DIAPH1: variants seen among roughly 807,000 people sequenced by gnomAD.
DIAPH1 encodes protein diaphanous homolog 1.
A neutral mutation model predicts 140.7 loss-of-function variants in DIAPH1; 46 were observed. The observed-to-expected ratio is 0.33, with a 90% CI of 0.26 to 0.42. The LOEUF is 0.42. DIAPH1 is among the 10% of genes least tolerant of loss of function. The pLI is 1.00. For synonymous variants in DIAPH1, 565 were observed against 551.6 expected, an observed-to-expected ratio of 1.02 and a Z score of -0.34; for missense variants, 1,310 against 1,558.7, an observed-to-expected ratio of 0.84 and a Z score of 2.69.
At chr5:141,532,731 A>AT (rs2099888422) in intron 19 of DIAPH1, among the ~76,000 whole-genome samples, 1 of 152,234 alleles carries the variant, frequency 6.6e-6, no homozygotes. Flanking sequence ...CATGAGAGAC[A>AT]TTTAATCACT....
chr5:141,584,078 C>A, intron 4 of DIAPH1, 46 bp downstream of exon 4: 1 of 1,270,218 alleles, frequency 7.9e-7, no homozygotes, highest in South Asian at 1.2e-5. Context: ...AGGTCCAAGA[C>A]AAGGGCACAG....
Position 141,577,372 on chromosome 5 carries a change from T to C in DIAPH1, c.1280+103A>G, listed in dbSNP as rs950562833. The C allele has an allele frequency of 2.8e-5, 25 of 885,256 alleles. No individual in the cohort carries two copies. The East Asian group carries it at 4.4e-4, about 16-fold the overall frequency. 54.8% of individuals were successfully genotyped at this position (885,256 alleles called of 1,614,324 possible). On this transcript the variant is annotated intron_variant, in intron 12 of 27. Coordinates refer to ENST00000389054, the MANE Select transcript of DIAPH1 (RefSeq NM_005219.5). The stretch of plus-strand genomic sequence containing the variant: ...ACTAATGAACCCTAATCTTGGGTCT[T>C]TGTCTTTACATTTTCCTTTTACAGA...
At chr5:141,618,542 C>A (rs1049486735) in intron 1 of DIAPH1, 1 of 381,266 alleles carries the variant, frequency 2.6e-6, no homozygotes. Context: ...GATATGCGGG[C>A]GGGAGGGCAG....
At chr5:141,535,668 G>A (rs1010864043) in intron 18 of DIAPH1, among the ~76,000 whole-genome samples, 1 of 152,144 alleles carries the variant, frequency 6.6e-6, no homozygotes, top group Non-Finnish European at 1.5e-5. Context: ...GTTGATGCTG[G>A]CTATCCAAGG....
At chr5:141,572,576 CG>C (rs1297080455) in intron 16 of DIAPH1, among the ~76,000 whole-genome samples, 1 of 152,010 alleles carries the variant, frequency 6.6e-6, no homozygotes, top group Non-Finnish European at 1.5e-5. Flanking sequence ...CCAAGGTGGG[CG>C]GATCACAAGG....
intron 3 of DIAPH1, 26 bp downstream of exon 3, chr5:141,587,016 C>A: frequency 6.2e-7 from 1 of 1,613,678 alleles, no homozygotes; most frequent in Non-Finnish European, 8.5e-7. Flanking sequence ...CAGGAAGAAG[C>A]AACATTTTGG....
At chr5:141,576,003 C>T (rs1016302516) in intron 14 of DIAPH1, among the ~76,000 whole-genome samples, 5 of 152,104 alleles carry the variant, frequency 3.3e-5, no homozygotes, top group Admixed American at 2.6e-4. Context: ...TTTTCCTGCC[C>T]AGTAGCCCAA....
chr5:141,538,904 A>C (rs1409274429), intron 18 of DIAPH1, among the ~76,000 whole-genome samples: 1 of 152,228 alleles, frequency 6.6e-6, no homozygotes, highest in Non-Finnish European at 1.5e-5. Flanking sequence ...TACCAAATTC[A>C]TAAAAAATAT....
intron 18 of DIAPH1, among the ~76,000 whole-genome samples, chr5:141,560,216 A>AT (rs900882212): frequency 9.2e-5 from 14 of 152,200 alleles, no homozygotes; most frequent in Middle Eastern, 3.4e-3. Flanking sequence ...TCTCCATCTC[A>AT]TTTTTTCCCC....
At chr5:141,541,513 G>C (rs138446142) in intron 18 of DIAPH1, among the ~76,000 whole-genome samples, 3,458 of 151,736 alleles carry the variant, frequency 0.023, 54 homozygotes, top group East Asian at 0.047. Flanking sequence ...CATGGTGAAA[G>C]CCTGTCTCTA....
intron 7 of DIAPH1, 114 bp downstream of exon 7, chr5:141,582,198 G>A: frequency 1.3e-6 from 1 of 757,080 alleles, no homozygotes; most frequent in Non-Finnish European, 2.4e-6. Context: ...GATACTAAAA[G>A]AGAAAGCTAG....
At chr5:141,561,720 T>C (rs553854425) in intron 18 of DIAPH1, 3 of 152,312 alleles carry the variant, frequency 2.0e-5, no homozygotes, top group South Asian at 2.1e-4. Context: ...TATGAAACAA[T>C]TGTAATAAGG....
chr5:141,560,815 G>A, intron 18 of DIAPH1: 1 of 456,228 alleles, frequency 2.2e-6, no homozygotes, highest in Non-Finnish European at 4.4e-6. Context: ...AAAGAGAACA[G>A]ATGGAATAAA....
chr5:141,590,707 G>A (rs546919131), intron 1 of DIAPH1, among the ~76,000 whole-genome samples: 29 of 151,680 alleles, frequency 1.9e-4, no homozygotes, highest in African/African-American at 7.0e-4. Flanking sequence ...AAGAATTAAT[G>A]GCAGCTGAAT....
At chr5:141,533,389 G>C (rs1225381839) in intron 19 of DIAPH1, among the ~76,000 whole-genome samples, 4 of 152,148 alleles carry the variant, frequency 2.6e-5, no homozygotes, top group African/African-American at 9.7e-5. Context: ...TTTCTCATTT[G>C]AAATTTTGCT....
intron 18 of DIAPH1, among the ~76,000 whole-genome samples, chr5:141,542,432 TG>T (rs1462570269): frequency 1.3e-5 from 2 of 148,548 alleles, no homozygotes; most frequent in African/African-American, 5.0e-5. Context: ...GACTCTGTCT[TG>T]GGAAAAAAAA....
At chr5:141,594,657 C>G (rs527628330) in intron 1 of DIAPH1, among the ~76,000 whole-genome samples, 1 of 151,432 alleles carries the variant, frequency 6.6e-6, no homozygotes, top group Admixed American at 6.6e-5. Context: ...GTATGAGAAT[C>G]GCTTGAACCT....
At chr5:141,613,392 T>A (rs2099902144) in intron 1 of DIAPH1, among the ~76,000 whole-genome samples, 1 of 152,214 alleles carries the variant, frequency 6.6e-6, no homozygotes, top group Non-Finnish European at 1.5e-5. Context: ...CTCTTTCTAC[T>A]ACTCCAGCCA....
chr5:141,587,839 C>T (rs2099897769), intron 2 of DIAPH1, among the ~76,000 whole-genome samples: 1 of 152,206 alleles, frequency 6.6e-6, no homozygotes, highest in Non-Finnish European at 1.5e-5. Flanking sequence ...CAAACAAATG[C>T]TAACAAGCCA....
Sources: allele counts gnomAD v4.1 joint callset (sites outside exome capture counted in the v4.1 genomes callset), GRCh38; gene constraint gnomAD v4.1.1; transcripts MANE v1.5; gene names NCBI Gene and HGNC (gene_info 2026-07-23, HGNC 2026-07-21).